Variants in ZRANB3 observed in about 807,000 individuals in gnomAD.
ZRANB3 encodes the protein zinc finger RANBP2-type containing 3.
ZRANB3 carries 125 observed loss-of-function variants against 133.8 expected under a neutral mutation model. That is an observed-to-expected ratio of 0.93 (90% CI 0.81 to 1.08). The LOEUF (loss-of-function observed/expected upper bound fraction) is 1.08, where lower values mean the gene tolerates loss of function less well. Among genes scored for constraint, ZRANB3 ranks in the 50% least tolerant of loss-of-function variants. ZRANB3 has a pLI of 0.00. For missense variants in ZRANB3, 1,229 were observed against 1,275.5 expected, an observed-to-expected ratio of 0.96 and a Z score of 0.56; for synonymous variants, 387 against 432.7, an observed-to-expected ratio of 0.89 and a Z score of 1.31.
chr2:135,520,091 T>G (rs1169969334), intron 1 of ZRANB3, among the ~76,000 whole-genome samples: 8 of 151,826 alleles, frequency 5.3e-5, no homozygotes, highest in South Asian at 4.1e-4. Context: ...TCTTTTTTTT[T>G]TTTTTGTTTT....
chr2:135,289,303 T>TG (rs1466620719), intron 8 of ZRANB3, among the ~76,000 whole-genome samples: 1 of 152,178 alleles, frequency 6.6e-6, no homozygotes, highest in Non-Finnish European at 1.5e-5. Context: ...TCGCCAAGGC[T>TG]GGAGTGTAGT....
intron 2 of ZRANB3, among the ~76,000 whole-genome samples, chr2:135,392,844 G>T (rs924721827): frequency 2.6e-5 from 4 of 151,484 alleles, no homozygotes; most frequent in African/African-American, 9.7e-5. Context: ...AAATTTCATT[G>T]TTCAAAAAGA....
intron 1 of ZRANB3, chr2:135,511,351 G>T: frequency 1.2e-6 from 1 of 828,526 alleles, no homozygotes; most frequent in Admixed American, 1.7e-5. Context: ...TCTGGCTCAG[G>T]ATCAGGCTCC....
chr2:135,463,272 T>C (rs1362025810), intron 2 of ZRANB3, among the ~76,000 whole-genome samples: 1 of 152,208 alleles, frequency 6.6e-6, no homozygotes, highest in Non-Finnish European at 1.5e-5. Flanking sequence ...AAGCTTGTGA[T>C]AGGCACATAA....
chr2:135,518,194 G>A (rs1693779541), intron 1 of ZRANB3, among the ~76,000 whole-genome samples: 1 of 152,110 alleles, frequency 6.6e-6, no homozygotes, highest in Admixed American at 6.5e-5. Context: ...TAGCTTGCTG[G>A]GCTCCATGGG....
At chr2:135,220,622 C>G (rs1174771669) in intron 15 of ZRANB3, among the ~76,000 whole-genome samples, 1 of 143,696 alleles carries the variant, frequency 7.0e-6, no homozygotes, top group African/African-American at 2.6e-5. Context: ...CGCTTGAACC[C>G]GGGAGGCAGA....
rs569704320 is a variant in ZRANB3, at chr2:135,466,351, C to A, written c.161+37978G>T. On this transcript the variant is annotated intron_variant, in intron 2 of 20. Coordinates refer to ENST00000264159, the MANE Select transcript of ZRANB3 (RefSeq NM_032143.4). ...TGAGCTGAGATCATGCCACTGCACT[C>A]CAGCCTGGGCGACAGAGTAAGACTC... Among the ~76,000 whole-genome samples the A allele has an allele frequency of 8.8e-5, 12 of 137,060 alleles. No individual in the cohort carries two copies. In the South Asian group the frequency reaches 2.3e-3, roughly 26 times the overall value. 89.9% of individuals were successfully genotyped at this position (137,060 alleles called of 152,430 possible).
chr2:135,239,331 C>T (rs902863210), intron 12 of ZRANB3, among the ~76,000 whole-genome samples: 1 of 150,326 alleles, frequency 6.7e-6, no homozygotes, highest in African/African-American at 2.5e-5. Context: ...GTGGTGGGTG[C>T]ACAACACACT....
intron 1 of ZRANB3, among the ~76,000 whole-genome samples, chr2:135,509,805 AG>A (rs1253333545): frequency 2.6e-5 from 4 of 152,242 alleles, no homozygotes; most frequent in African/African-American, 9.6e-5. Context: ...CTATATCAAA[AG>A]AAAAGTTCTA....
Position 135,230,809 on chromosome 2 carries a change from G to A in ZRANB3, c.1658C>T (p.Ser553Leu). The A allele has an allele frequency of 6.2e-7, 1 of 1,613,832 alleles. No individual in the cohort carries two copies. Among genetic ancestry groups the A allele is most frequent in the Non-Finnish European group, 8.5e-7 (1 of 1,179,866 alleles). Residue 553 changes from serine to leucine, a missense_variant, in exon 13 of 21, where the codon TCA becomes TTA. Ser to Leu is a moderately radical substitution (Grantham distance 145, BLOSUM62 -2). Transcript: ENST00000264159. ...TGCAGCTGTTTTTGTAGGGTCTGATGACACTACAGTATTTTCCTCCCGGAA... is the reference window on the plus strand; with the variant it reads ...TGCAGCTGTTTTTGTAGGGTCTGATAACACTACAGTATTTTCCTCCCGGAA... Reference protein sequence around the residue: ...KRFREENTVVSSDPTKTAARD... With the variant: ...KRFREENTVVLSDPTKTAARD...
At chr2:135,515,477 C>G (rs375740361) in intron 1 of ZRANB3, among the ~76,000 whole-genome samples, 2 of 152,114 alleles carry the variant, frequency 1.3e-5, no homozygotes, top group Non-Finnish European at 2.9e-5. Flanking sequence ...GATTCTGGTA[C>G]GTTGTGTCTT....
intron 2 of ZRANB3, among the ~76,000 whole-genome samples, chr2:135,459,437 C>T (rs1168384014): frequency 6.6e-6 from 1 of 151,874 alleles, no homozygotes; most frequent in Non-Finnish European, 1.5e-5. Flanking sequence ...CATACCATGC[C>T]CAGAGAAGAA....
At chr2:135,523,600 T>C (rs1369276914) in intron 1 of ZRANB3, among the ~76,000 whole-genome samples, 1 of 152,230 alleles carries the variant, frequency 6.6e-6, no homozygotes, top group African/African-American at 2.4e-5. Context: ...AAGTATTTTA[T>C]GTATTAAATC....
chr2:135,218,689 C>G (rs1342273205), intron 16 of ZRANB3, among the ~76,000 whole-genome samples: 1 of 152,144 alleles, frequency 6.6e-6, no homozygotes, highest in African/African-American at 2.4e-5. Context: ...GATAATGAAT[C>G]AAGAATCACC....
chr2:135,452,650 A>C (rs1249762649), intron 2 of ZRANB3, among the ~76,000 whole-genome samples: 1 of 152,204 alleles, frequency 6.6e-6, no homozygotes, highest in East Asian at 1.9e-4. Context: ...GAAATCCAGC[A>C]GGGCAGTCAA....
intron 15 of ZRANB3, among the ~76,000 whole-genome samples, chr2:135,220,794 G>A (rs1694513973): frequency 6.6e-6 from 1 of 151,546 alleles, no homozygotes; most frequent in Admixed American, 6.6e-5. Flanking sequence ...GACACAGGAT[G>A]CTAAATGTCT....
intron 6 of ZRANB3, among the ~76,000 whole-genome samples, chr2:135,324,112 G>C (rs954971327): frequency 6.6e-6 from 1 of 151,710 alleles, no homozygotes; most frequent in Non-Finnish European, 1.5e-5. Context: ...TTAAGTTCTA[G>C]GGTACATGTG....
intron 4 of ZRANB3, among the ~76,000 whole-genome samples, chr2:135,350,866 A>T (rs1685173187): frequency 6.6e-6 from 1 of 152,176 alleles, no homozygotes; most frequent in Non-Finnish European, 1.5e-5. Flanking sequence ...AGCTAAAATG[A>T]TCCCTGATCT....
At chr2:135,348,016 T>C (rs1490808064) in intron 5 of ZRANB3, among the ~76,000 whole-genome samples, 1 of 152,056 alleles carries the variant, frequency 6.6e-6, no homozygotes, top group African/African-American at 2.4e-5. Context: ...CCCAGCACTT[T>C]AGGAGGCTAA....
Sources: gnomAD v4.1 joint callset for allele counts (sites outside exome capture counted in the v4.1 genomes callset) on GRCh38, gnomAD v4.1.1 for gene constraint, MANE v1.5 for transcripts, NCBI Gene and HGNC (gene_info 2026-07-23, HGNC 2026-07-21) for gene names.